BPI: variants seen among roughly 807,000 people sequenced by gnomAD.
BPI encodes the protein bactericidal permeability-increasing protein.
Under a neutral mutation model 57.6 loss-of-function variants are expected in BPI, and 48 were observed. That is an observed-to-expected ratio of 0.83 (90% CI 0.66 to 1.06). The LOEUF (loss-of-function observed/expected upper bound fraction) is 1.06. Among genes scored for constraint, BPI ranks in the 50% least tolerant of loss-of-function variants. BPI has a pLI of 0.00. For synonymous variants in BPI, 237 were observed against 238.2 expected, an observed-to-expected ratio of 0.99 and a Z score of 0.05; for missense variants, 651 against 609.7, an observed-to-expected ratio of 1.07 and a Z score of -0.71.
intron 5 of BPI, among the ~76,000 whole-genome samples, chr20:38,316,526 C>A (rs534826280): frequency 6.6e-6 from 1 of 152,306 alleles, no homozygotes; most frequent in East Asian, 1.9e-4. Flanking sequence ...CCTGGGATCC[C>A]AAAGACAGAT....
At chr20:38,334,077 C>T (rs946166125) in intron 12 of BPI, among the ~76,000 whole-genome samples, 2 of 152,210 alleles carry the variant, frequency 1.3e-5, no homozygotes, top group African/African-American at 2.4e-5. Flanking sequence ...GATTTGCCCT[C>T]TTACTGCAGT....
chr20:38,335,782 C>A, intron 14 of BPI, 108 bp downstream of exon 14: 1 of 1,083,886 alleles, frequency 9.2e-7, no homozygotes, highest in Non-Finnish European at 1.4e-6. Flanking sequence ...GCGCCTTCTA[C>A]CCTTACAACA....
chr20:38,317,692 G>A (rs746222530), intron 5 of BPI: 2 of 855,268 alleles, frequency 2.3e-6, no homozygotes, highest in South Asian at 1.4e-5. Context: ...CTCTTGGTGG[G>A]GGTGTGGCAA....
In BPI at chr20:38,320,131, C is replaced by A. The variant is rs191989977; in HGVS notation, c.665-52C>A. 51 of 1,443,420 alleles carry A rather than the reference C, an allele frequency of 3.5e-5. No individual in the cohort carries two copies. The East Asian group carries it at 1.1e-3, about 32-fold the overall frequency. 89.4% of individuals were successfully genotyped at this position (1,443,420 alleles called of 1,614,324 possible). A position where few individuals can be genotyped will look rare whatever the true frequency, so the allele number is the denominator to read the frequency against. On this transcript the variant is annotated intron_variant, in intron 6 of 14. Transcript: ENST00000642449. ...GGATTCTGATCCTGCATTTCAGCTT[C>A]CAGCGATGCTGCCGTGGGAGCCAGC...
At chr20:38,315,107 G>A (rs1338700218) in intron 5 of BPI, among the ~76,000 whole-genome samples, 1 of 152,104 alleles carries the variant, frequency 6.6e-6, no homozygotes, top group Non-Finnish European at 1.5e-5. Context: ...ATGGATTCCA[G>A]CATTTAATCC....
chr20:38,324,338 A>T (rs540939082), intron 8 of BPI, among the ~76,000 whole-genome samples: 1 of 152,316 alleles, frequency 6.6e-6, no homozygotes, highest in African/African-American at 2.4e-5. Context: ...ATTAAATGAG[A>T]TATTAGTCTA....
At chr20:38,317,452 G>T (rs1022398745) in intron 5 of BPI, among the ~76,000 whole-genome samples, 2 of 152,166 alleles carry the variant, frequency 1.3e-5, no homozygotes, top group African/African-American at 4.8e-5. Flanking sequence ...CCCATCTCTG[G>T]TGCCTGGGCT....
At chr20:38,304,694 A>G (rs577008875) in intron 1 of BPI, among the ~76,000 whole-genome samples, 25 of 152,168 alleles carry the variant, frequency 1.6e-4, no homozygotes, top group African/African-American at 5.5e-4. Flanking sequence ...CAGCCTTGCC[A>G]TTTGCCTCTC....
At chr20:38,320,031 C>T (rs188910929) in intron 6 of BPI, 152 bp from the exon 7 acceptor site, 6 of 641,052 alleles carry the variant, frequency 9.4e-6, no homozygotes, top group South Asian at 3.8e-5. Flanking sequence ...TCCCTTAAGG[C>T]GAGCTCCCTT....
intron 11 of BPI, among the ~76,000 whole-genome samples, chr20:38,328,224 A>G (rs11905461): frequency 0.068 from 10,390 of 152,152 alleles, 982 homozygotes; most frequent in East Asian, 0.42. Context: ...GGCAAGCACC[A>G]AAACGCTGCC....
chr20:38,310,371 A>T (rs900693909), intron 3 of BPI, 120 bp from the exon 4 acceptor site: 2 of 1,243,994 alleles, frequency 1.6e-6, no homozygotes, highest in South Asian at 1.4e-5. Context: ...CTTCTCTCTG[A>T]ACGTACCTCC....
chr20:38,328,675 G>A (rs911753583), intron 11 of BPI, among the ~76,000 whole-genome samples: 4 of 151,932 alleles, frequency 2.6e-5, no homozygotes, highest in South Asian at 4.2e-4. Flanking sequence ...CAATATGCAA[G>A]AGGGAAAGAG....
chr20:38,334,199 T>C (rs946669799), intron 12 of BPI, among the ~76,000 whole-genome samples: 3 of 152,226 alleles, frequency 2.0e-5, no homozygotes, highest in Admixed American at 6.5e-5. Context: ...ATTGAGAACA[T>C]GCTTTACATC....
intron 14 of BPI, among the ~76,000 whole-genome samples, chr20:38,336,230 C>T (rs2076766806): frequency 6.6e-6 from 1 of 151,980 alleles, no homozygotes; most frequent in African/African-American, 2.4e-5. Flanking sequence ...TGCTTGTTCT[C>T]CTGCCCCTTC....
intron 9 of BPI, among the ~76,000 whole-genome samples, chr20:38,325,729 G>A (rs1304322962): frequency 6.6e-6 from 1 of 152,160 alleles, no homozygotes; most frequent in Non-Finnish European, 1.5e-5. Flanking sequence ...TCTGGTTGGG[G>A]GGAGAGGTGT....
At position 38,320,201 on chromosome 20, in the gene BPI, C is replaced by A. The variant is rs578216988; in HGVS notation, c.683C>A (p.Ser228Tyr). 8 of 1,614,122 alleles carry A rather than the reference C, an allele frequency of 5.0e-6. No individual in the cohort carries two copies. The highest frequency in any genetic ancestry group is 2.2e-5 in the East Asian group (1 of 44,872). ...TCTCTAGTAATGACCAAAATAGATT[C>A]TGTGGCTGGAATCAACTATGGTCTG... The part of the protein sequence containing the change: ...QTLPVMTKID[S>Y]VAGINYGLVA... Residue 228 changes from serine to tyrosine, a missense_variant, in exon 7 of 15, where the codon TCT becomes TAT. Coordinates refer to ENST00000642449, the MANE Select transcript of BPI (RefSeq NM_001725.3).
intron 1 of BPI, among the ~76,000 whole-genome samples, chr20:38,307,266 A>G (rs1044028268): frequency 1.3e-5 from 2 of 152,218 alleles, no homozygotes; most frequent in African/African-American, 4.8e-5. Flanking sequence ...TTCTCATTTC[A>G]ATGCCAACAA....
intron 5 of BPI, 31 bp from the exon 6 acceptor site, chr20:38,318,382 C>T: frequency 4.4e-6 from 7 of 1,592,222 alleles, no homozygotes; most frequent in African/African-American, 4.0e-5. Flanking sequence ...TATGGGAAGA[C>T]CTTACTGATT....
At chr20:38,317,882 A>C (rs1292305658) in intron 5 of BPI, 89 of 1,458,740 alleles carry the variant, frequency 6.1e-5, no homozygotes, top group Non-Finnish European at 6.9e-5. Context: ...GGGCTAGGGG[A>C]CAGGGGGATT....
Sources: gnomAD v4.1 joint callset for allele counts (sites outside exome capture counted in the v4.1 genomes callset) on GRCh38, gnomAD v4.1.1 for gene constraint, MANE v1.5 for transcripts, NCBI Gene and HGNC (gene_info 2026-07-23, HGNC 2026-07-21) for gene names.